TECPR2: variants seen among roughly 807,000 people sequenced by gnomAD.
The protein encoded by TECPR2 is tectonin beta-propeller repeat-containing protein 2.
Under a neutral mutation model 138.1 loss-of-function variants are expected in TECPR2, and 65 were observed. The ratio of observed to expected loss-of-function variants is 0.47; its 90% CI spans 0.39 to 0.58. The LOEUF is 0.58. Ranked by LOEUF, TECPR2 falls within the 20% of genes least tolerant of loss-of-function variation. The probability of loss-of-function intolerance (pLI) is 0.00; values close to 1 mark genes in which losing one functional copy is unlikely to be tolerated. For missense variants in TECPR2, 1,553 were observed against 1,824.5 expected, an observed-to-expected ratio of 0.85 and a Z score of 2.71; for synonymous variants, 746 against 749.8, an observed-to-expected ratio of 0.99 and a Z score of 0.08.
In TECPR2 at chr14:102,433,460, A is replaced by G. The variant is rs1889566487; in HGVS notation, c.1418-775A>G. 2.0e-5 allele frequency among the ~76,000 whole-genome samples: 3 copies of G among 151,736 alleles called. 1 individual carries two copies. The South Asian group carries it at 6.2e-4, about 32-fold the overall frequency. ...AGGATTACGGCCAGCGGTTCCATCC[A>G]TGTTGCTGTAAAGGACAAGATTTCA... On this transcript the variant is annotated intron_variant, in intron 8 of 19. Transcript: ENST00000359520.
chr14:102,404,228 A>G (rs1164797304), intron 2 of TECPR2, among the ~76,000 whole-genome samples: 2 of 152,098 alleles, frequency 1.3e-5, no homozygotes, highest in Non-Finnish European at 2.9e-5. Context: ...TAAGCTGTCC[A>G]TACCACCCAA....
rs957553006 is a variant in TECPR2, at chr14:102,443,071, C to T, written c.2753-576C>T. 1.3e-5 allele frequency among the ~76,000 whole-genome samples: 2 copies of T among 152,200 alleles called. No homozygotes were observed. The highest frequency in any genetic ancestry group is 4.8e-5 in the African/African-American group (2 of 41,458). On this transcript the variant is annotated intron_variant, in intron 11 of 19. Transcript: ENST00000359520. The surrounding 1 kb of genome is among the most constrained non-coding windows in gnomAD (Gnocchi z 4.9). ...CCCAGTCAGAGCAGAGAGGAGCCGC[C>T]GTGCTGGAGCTCTCTGCAGGAACGA...
chr14:102,370,563 T>C (rs1170141296), intron 1 of TECPR2, among the ~76,000 whole-genome samples: 1 of 152,190 alleles, frequency 6.6e-6, no homozygotes, highest in Non-Finnish European at 1.5e-5. Context: ...AGCAATTCAG[T>C]GTGGCTGGAG....
At chr14:102,418,441 C>T (rs148045558) in intron 5 of TECPR2, among the ~76,000 whole-genome samples, 1,801 of 152,334 alleles carry the variant, frequency 0.012, 17 homozygotes, top group Non-Finnish European at 0.019. Context: ...AGGGAAGGCT[C>T]CTCTGAGGAG....
intron 2 of TECPR2, among the ~76,000 whole-genome samples, chr14:102,404,059 G>A (rs1031763759): frequency 4.0e-5 from 6 of 149,932 alleles, no homozygotes; most frequent in South Asian, 4.2e-4. Context: ...AACTATGCCC[G>A]GCTTTTTTTT....
chr14:102,457,326 G>A (rs1254735172), intron 16 of TECPR2, among the ~76,000 whole-genome samples: 2 of 151,522 alleles, frequency 1.3e-5, no homozygotes, highest in Admixed American at 1.3e-4. Flanking sequence ...CTCAACTGAT[G>A]CACCCGTCTT....
At chr14:102,368,653 A>G (rs1474864133) in intron 1 of TECPR2, among the ~76,000 whole-genome samples, 1 of 147,696 alleles carries the variant, frequency 6.8e-6, no homozygotes, top group East Asian at 2.0e-4. Flanking sequence ...GATTAGATGT[A>G]TTTTTACTTT....
chr14:102,440,630 G>A, intron 11 of TECPR2, 21 bp downstream of exon 11: 1 of 1,605,674 alleles, frequency 6.2e-7, no homozygotes, highest in Middle Eastern at 1.7e-4. Context: ...GCCACGCTTA[G>A]AGGCCTGCCA....
At chr14:102,474,923 G>A (rs973098229) in intron 17 of TECPR2, among the ~76,000 whole-genome samples, 1 of 152,110 alleles carries the variant, frequency 6.6e-6, no homozygotes. Flanking sequence ...CTGCAGATGA[G>A]GAAAGCAAGG....
chr14:102,501,667 A>G lies in TECPR2; in HGVS notation c.*3410A>G, dbSNP rs1302780654. The stretch of plus-strand genomic sequence containing the variant: ...ATTTACCTTAAAAACCTATACAACA[A>G]TAAGAGGAGTGCGCCCTTCAGCAGC... On this transcript the variant is annotated 3_prime_UTR_variant, in exon 20 of 20. Coordinates refer to ENST00000359520, the MANE Select transcript of TECPR2 (RefSeq NM_014844.5). The G allele has an allele frequency of 6.6e-6, 1 of 152,226 alleles. No individual in the cohort carries two copies. The highest frequency in any genetic ancestry group is 1.5e-5 in the Non-Finnish European group (1 of 68,042). 9.4% of individuals were successfully genotyped at this position (152,226 alleles called of 1,614,324 possible).
chr14:102,362,948 G>A lies in TECPR2; in HGVS notation c.-241G>A, dbSNP rs1887212384. On this transcript the variant is annotated 5_prime_UTR_variant, in exon 1 of 20. Coordinates refer to ENST00000359520, the MANE Select transcript of TECPR2 (RefSeq NM_014844.5). ...TCCGCCCCGCCCGCTGCCACTTGTG[G>A]CTCTGCCGCTCTAGCCCCCGGCGGA... 1 of 1,490,178 alleles carries A rather than the reference G, an allele frequency of 6.7e-7. No individual in the cohort carries two copies. Among genetic ancestry groups the A allele is most frequent in the African/African-American group, 1.4e-5 (1 of 72,032 alleles). 92.3% of individuals were successfully genotyped at this position (1,490,178 alleles called of 1,614,324 possible).
chr14:102,411,699 C>CAA (rs1173849759), intron 4 of TECPR2, among the ~76,000 whole-genome samples: 596 of 46,756 alleles, frequency 0.013, 58 homozygotes, highest in Middle Eastern at 0.043. Flanking sequence ...CCATGTTGCT[C>CAA]AAAAAAAAAA....
At chr14:102,451,520 C>G (rs994445275) in intron 15 of TECPR2, among the ~76,000 whole-genome samples, 28 of 152,032 alleles carry the variant, frequency 1.8e-4, no homozygotes, top group African/African-American at 6.8e-4. Context: ...AAAACCTGAC[C>G]GGATCTCACA....
chr14:102,488,323 T>C (rs1193073116), intron 17 of TECPR2, among the ~76,000 whole-genome samples: 1 of 151,518 alleles, frequency 6.6e-6, no homozygotes, highest in Non-Finnish European at 1.5e-5. Flanking sequence ...TCGGCCTTTT[T>C]TTTTTTTTTA....
At chr14:102,479,836 T>C (rs1186589856) in intron 17 of TECPR2, among the ~76,000 whole-genome samples, 1 of 152,226 alleles carries the variant, frequency 6.6e-6, no homozygotes, top group Non-Finnish European at 1.5e-5. Flanking sequence ...CCTTCCCAGC[T>C]GGCCTGCACG....
At chr14:102,459,561 C>T (rs925086246) in intron 16 of TECPR2, among the ~76,000 whole-genome samples, 1 of 152,096 alleles carries the variant, frequency 6.6e-6, no homozygotes, top group African/African-American at 2.4e-5. Flanking sequence ...GCGTAGATCA[C>T]GAGATCAAGA....
At position 102,476,679 on chromosome 14, in the gene TECPR2, T is replaced by C. The variant is rs139174002; in HGVS notation, c.3789+11390T>C. ...AGGAAAAAAAGATGTGAAGAAGAAA[T>C]ACAACTGAAAGTTGTCCAAATTTGA... On this transcript the variant is annotated intron_variant, in intron 17 of 19. Coordinates refer to ENST00000359520, the MANE Select transcript of TECPR2 (RefSeq NM_014844.5). Among the ~76,000 whole-genome samples the C allele has an allele frequency of 2.4e-3, 368 of 152,264 alleles. 1 individual carries two copies. The highest frequency in any genetic ancestry group is 8.2e-3 in the African/African-American group (342 of 41,546).
chr14:102,399,975 G>C (rs553301756), intron 2 of TECPR2, among the ~76,000 whole-genome samples: 26 of 151,440 alleles, frequency 1.7e-4, no homozygotes, highest in Non-Finnish European at 2.8e-4. Context: ...AGACTAAAAT[G>C]CTTTTTTAAA....
Position 102,449,812 on chromosome 14 carries a change from G to C in TECPR2, c.3259G>C (p.Gly1087Arg). 2 of 1,614,144 alleles carry C rather than the reference G, an allele frequency of 1.2e-6. No homozygotes were observed. Among genetic ancestry groups the C allele is most frequent in the South Asian group, 1.1e-5 (1 of 91,084 alleles). ...QPSLLGVNNSGVWISSGKNEF... is the reference protein window; with the variant it reads ...QPSLLGVNNSRVWISSGKNEF... ...AAGCCTTCTCGGGGTCAATAACAGC[G>C]GTGTCTGGATCTCCTCGGGCAAGAA... The change falls in exon 14 of 20, where the codon GGT becomes CGT. Residue 1087 changes from glycine (G) to arginine (R), a missense_variant. Physicochemically the swap from Gly to Arg is moderately radical, Grantham distance 125. Transcript: ENST00000359520.
Sources: gnomAD v4.1 joint callset for allele counts (sites outside exome capture counted in the v4.1 genomes callset) on GRCh38, gnomAD v4.1.1 for gene constraint, Gnocchi (gnomAD v3.1) non-coding constraint, MANE v1.5 for transcripts, NCBI Gene and HGNC (gene_info 2026-07-23, HGNC 2026-07-21) for gene names.